The following BEND2 variants were observed in gnomAD, a reference collection of about 807,000 sequenced individuals.
BEND2 encodes the protein BEN domain containing 2.
Under a neutral mutation model 43.8 loss-of-function variants are expected in BEND2, and 19 were observed. The ratio of observed to expected loss-of-function variants is 0.43; its 90% confidence interval spans 0.30 to 0.64. The LOEUF (loss-of-function observed/expected upper bound fraction) is 0.64, where lower values mean the gene tolerates loss of function less well. Ranked by LOEUF, BEND2 falls within the 30% of genes least tolerant of loss-of-function variation. BEND2 has a pLI of 0.11. For synonymous variants in BEND2, 226 were observed against 210.1 expected, an observed-to-expected ratio of 1.08 and a Z score of -0.66; for missense variants, 544 against 574.0, an observed-to-expected ratio of 0.95 and a Z score of 0.53.
In BEND2 at chrX:18,183,175, A is replaced by AT. The variant is rs202111101; in HGVS notation, c.1289-2526dup. Among the ~76,000 whole-genome samples the AT allele has an allele frequency of 8.9e-3, 979 of 110,009 alleles. 11 individuals carry two copies. The highest frequency in any genetic ancestry group is 0.017 in the African/African-American group (515 of 30,295). On this transcript the variant is annotated intron_variant, in intron 8 of 13. Transcript: ENST00000380033. Reference sequence around the variant, plus strand: ...TCCATCTAATAAAAGCAGAATATACATTTTTTTTCAAATGCCTATGGACCA... The same window carrying AT: ...TCCATCTAATAAAAGCAGAATATACATTTTTTTTTCAAATGCCTATGGACCA...
At chrX:18,187,310 C>T (rs1158518951) in intron 8 of BEND2, among the ~76,000 whole-genome samples, 1 of 111,215 alleles carries the variant, frequency 9.0e-6, no homozygotes, top group Middle Eastern at 4.2e-3. Context: ...ATATTCCATG[C>T]CAATGGAAAC....
At chrX:18,188,459 C>T (rs1194037007) in intron 8 of BEND2, among the ~76,000 whole-genome samples, 2 of 111,170 alleles carry the variant, frequency 1.8e-5, no homozygotes, top group African/African-American at 3.3e-5. Flanking sequence ...CAACTGATAC[C>T]GCAGAAATTC....
chrX:18,190,753 C>G (rs184566899), intron 8 of BEND2, among the ~76,000 whole-genome samples: 5 of 98,981 alleles, frequency 5.1e-5, no homozygotes, highest in Admixed American at 1.1e-4. Context: ...CTCTCTCTCT[C>G]TCTCTCTCTC....
intron 4 of BEND2, among the ~76,000 whole-genome samples, chrX:18,206,807 G>T (rs1178668624): frequency 9.0e-6 from 1 of 111,561 alleles, no homozygotes; most frequent in Non-Finnish European, 1.9e-5. Context: ...GGTAGGCCGG[G>T]GACTGCCAAC....
intron 8 of BEND2, among the ~76,000 whole-genome samples, chrX:18,188,629 A>G (rs1302229055): frequency 1.8e-5 from 2 of 111,901 alleles, no homozygotes; most frequent in Non-Finnish European, 3.8e-5. Context: ...GACTGAAGCC[A>G]TAATAGAATT....
chrX:18,186,484 G>C (rs1233097505), intron 8 of BEND2, among the ~76,000 whole-genome samples: 1 of 103,877 alleles, frequency 9.6e-6, no homozygotes, highest in African/African-American at 3.5e-5. Context: ...AAAAGACATA[G>C]TACAATAAGA....
At chrX:18,195,621 C>T (rs1183691041) in intron 6 of BEND2, among the ~76,000 whole-genome samples, 179 bp from the exon 7 acceptor site, 12 of 111,505 alleles carry the variant, frequency 1.1e-4, no homozygotes, top group Non-Finnish European at 1.9e-4. Flanking sequence ...TGGCTCATGC[C>T]TACAATCCCA....
intron 1 of BEND2, among the ~76,000 whole-genome samples, chrX:18,217,592 CTT>C (rs779698519): frequency 9.0e-6 from 1 of 111,430 alleles, no homozygotes; most frequent in South Asian, 3.8e-4. Flanking sequence ...TAAATTGACT[CTT>C]TTGCCTCTGT....
At chrX:18,212,765 A>C (rs1289068825) in intron 3 of BEND2, 85 bp from the exon 4 acceptor site, 2 of 600,662 alleles carry the variant, frequency 3.3e-6, no homozygotes, top group Admixed American at 6.1e-5. Context: ...ATGCTAACTC[A>C]AATTGAATTG....
chrX:18,174,006 A>C, intron 12 of BEND2, 24 bp downstream of exon 12: 3 of 1,153,037 alleles, frequency 2.6e-6, no homozygotes, highest in Non-Finnish European at 3.5e-6. Context: ...ACTTATTTAA[A>C]TATAAGTTTT....
chrX:18,220,778 G>A lies in BEND2; in HGVS notation c.-28C>T, dbSNP rs760180549. ...TGAGATGGCGGGGTCTGGCTCTGAGGCCCGAGACCTGAGGCCCGAGACCTG... is the reference window on the plus strand; with the variant it reads ...TGAGATGGCGGGGTCTGGCTCTGAGACCCGAGACCTGAGGCCCGAGACCTG... On this transcript the variant is annotated 5_prime_UTR_variant, in exon 1 of 14. Coordinates refer to ENST00000380033, the MANE Select transcript of BEND2 (RefSeq NM_153346.5). The A allele has an allele frequency of 2.5e-6, 3 of 1,199,812 alleles. No individual in the cohort carries two copies. The East Asian group carries it at 9.0e-5, about 36-fold the overall frequency.
Position 18,180,625 on chromosome X carries a change from T to C in BEND2, c.1314A>G (p.Val438=). The change falls in exon 9 of 14, where the codon GTA becomes GTG. Residue 438 remains valine, a synonymous_variant. Coordinates refer to ENST00000380033, the MANE Select transcript of BEND2 (RefSeq NM_153346.5). ...DFALLPLNIL[V]KVDTNTENSV... Reference sequence around the variant, plus strand: ...TGTTTTCCGTGTTGGTGTCTACTTTTACCAAAATATTCAGAGGTAACAGTG... The same window carrying C: ...TGTTTTCCGTGTTGGTGTCTACTTTCACCAAAATATTCAGAGGTAACAGTG... The C allele has an allele frequency of 8.3e-7, 1 of 1,208,589 alleles. No individual in the cohort carries two copies. Among genetic ancestry groups the C allele is most frequent in the Non-Finnish European group, 1.1e-6 (1 of 892,691 alleles).
chrX:18,178,012 A>C (rs901974478), intron 9 of BEND2, among the ~76,000 whole-genome samples: 9 of 110,860 alleles, frequency 8.1e-5, no homozygotes, highest in Admixed American at 1.9e-4. Flanking sequence ...CTTCACTTCT[A>C]CTGGTCTTGA....
At chrX:18,218,082 G>A (rs1288550556) in intron 1 of BEND2, among the ~76,000 whole-genome samples, 1 of 109,654 alleles carries the variant, frequency 9.1e-6, no homozygotes, top group Non-Finnish European at 1.9e-5. Flanking sequence ...CAGCCTGGGC[G>A]ACAAAACGAG....
chrX:18,169,838 T>C (rs1483857847), intron 13 of BEND2, among the ~76,000 whole-genome samples: 1 of 112,360 alleles, frequency 8.9e-6, no homozygotes, highest in Admixed American at 9.5e-5. Flanking sequence ...ATCTTCCAGA[T>C]TTTAATAAAA....
rs1923779504 is a variant in BEND2, at chrX:18,164,835, T to G, written c.*174A>C. The G allele has an allele frequency of 2.2e-6, 1 of 464,415 alleles. No homozygotes were observed. The highest frequency in any genetic ancestry group is 3.8e-5 in the South Asian group (1 of 26,301). The allele number at this position is 464,415 out of a possible 1,213,427, so 38.3% of individuals were successfully genotyped here. ...ATCCACAGATGAAACATTACGTATC[T>G]TCCTAATGTGATTCTACCTCCTTTA... On this transcript the variant is annotated 3_prime_UTR_variant, in exon 14 of 14. Transcript: ENST00000380033.
intron 6 of BEND2, among the ~76,000 whole-genome samples, chrX:18,199,634 G>GGT: frequency 9.6e-6 from 1 of 104,535 alleles, no homozygotes; most frequent in East Asian, 3.0e-4. Context: ...AAAAAGCCTA[G>GGT]TTTTTTTTTT....
intron 10 of BEND2, among the ~76,000 whole-genome samples, chrX:18,176,754 A>G (rs1406205051): frequency 9.0e-6 from 1 of 111,494 alleles, no homozygotes; most frequent in Non-Finnish European, 1.9e-5. Context: ...AACCCAATGG[A>G]TAAATCAGAA....
At chrX:18,197,706 A>G (rs1396353741) in intron 6 of BEND2, among the ~76,000 whole-genome samples, 3 of 111,422 alleles carry the variant, frequency 2.7e-5, no homozygotes, top group Non-Finnish European at 5.6e-5. Flanking sequence ...AGTGCTTAAG[A>G]ACTCTCAACC....
Sources: gnomAD v4.1 joint callset for allele counts (sites outside exome capture counted in the v4.1 genomes callset) on GRCh38, gnomAD v4.1.1 for gene constraint, MANE v1.5 for transcripts, NCBI Gene and HGNC (gene_info 2026-07-23, HGNC 2026-07-21) for gene names.